The following PARD3 variants were observed in gnomAD, a reference collection of about 807,000 sequenced individuals.
PARD3 encodes the protein par-3 family cell polarity regulator, also known as partitioning defective 3 homolog.
In PARD3, 75 loss-of-function variants were observed where a neutral mutation model predicts 155.4. The ratio of observed to expected loss-of-function variants is 0.48; its 90% CI spans 0.40 to 0.58. The LOEUF (loss-of-function observed/expected upper bound fraction) is 0.58, where lower values mean the gene tolerates loss of function less well. PARD3 is among the 20% of genes least tolerant of loss of function. The pLI is 0.00. For missense variants in PARD3, 1,642 were observed against 1,721.7 expected (o/e 0.95, Z 0.82); for synonymous variants, 576 against 610.5 (o/e 0.94, Z 0.83).
chr10:34,345,035 G>A (rs1159088033), intron 15 of PARD3: 1 of 984,728 alleles, frequency 1.0e-6, no homozygotes, highest in East Asian at 1.1e-4. Context: ...ATAAGATCTG[G>A]AGACTTTCGA....
At chr10:34,454,877 G>A (rs1176498025) in intron 4 of PARD3, among the ~76,000 whole-genome samples, 2 of 152,114 alleles carry the variant, frequency 1.3e-5, no homozygotes, top group Non-Finnish European at 2.9e-5. Flanking sequence ...CGGTATCCTG[G>A]CTATGGAGAA....
At chr10:34,443,822 G>A (rs1589597209) in intron 5 of PARD3, among the ~76,000 whole-genome samples, 1 of 152,110 alleles carries the variant, frequency 6.6e-6, no homozygotes, top group South Asian at 2.1e-4. Context: ...CATCACAGCT[G>A]CAGAAAGTGA....
Position 34,384,133 on chromosome 10 carries a change from C to G in PARD3, c.1012G>C (p.Glu338Gln). The G allele has an allele frequency of 6.2e-7, 1 of 1,613,548 alleles. No individual in the cohort carries two copies. The highest frequency in any genetic ancestry group is 8.5e-7 in the Non-Finnish European group (1 of 1,179,864). ...NDGDLRNRRF[E>Q]QAQHMFRQAM... is the part of the protein sequence containing the mutation. ...GTGCAGCGAGCACACACTTACTGTT[C>G]AAATCTTCTATTTCGAAGGTCGCCA... Residue 338 changes from glutamate (E) to glutamine (Q), a missense_variant, in exon 8 of 25, where the codon GAA becomes CAA. Physicochemically the swap from Glu to Gln is conservative, Grantham distance 29. Transcript: ENST00000374788.
Position 34,116,904 on chromosome 10 carries a change from A to G in PARD3, c.3668+2709T>C, listed in dbSNP as rs58969923. 1.8e-3 allele frequency among the ~76,000 whole-genome samples: 268 copies of G among 152,318 alleles called. 1 individual carries two copies. The highest frequency in any genetic ancestry group is 6.1e-3 in the African/African-American group (255 of 41,572). On this transcript the variant is annotated intron_variant, in intron 24 of 24. Coordinates refer to ENST00000374788, the MANE Select transcript of PARD3 (RefSeq NM_001184785.2). ...AGATATCTCTACCAGGCGCTTCCGC[A>G]GGGAGAGGCGGAGAAGGGAAGAGAT...
chr10:34,522,260 A>G (rs2082193206), intron 2 of PARD3, among the ~76,000 whole-genome samples: 1 of 152,118 alleles, frequency 6.6e-6, no homozygotes. Context: ...AAGACAAACA[A>G]AGGGAGTCAT....
At chr10:34,429,603 T>A (rs1433478336) in intron 5 of PARD3, among the ~76,000 whole-genome samples, 1 of 149,374 alleles carries the variant, frequency 6.7e-6, no homozygotes, top group African/African-American at 2.4e-5. Flanking sequence ...TGTTTTGTTT[T>A]AAAACGGAGT....
chr10:34,582,492 C>T (rs936265274), intron 2 of PARD3, among the ~76,000 whole-genome samples: 2 of 152,210 alleles, frequency 1.3e-5, no homozygotes, highest in African/African-American at 4.8e-5. Flanking sequence ...AGCCACTTGT[C>T]CACAAATCAC....
rs1425451095 is a variant in PARD3 at position 34,678,425 on chromosome 10, T to A, written c.222+17893A>T. On this transcript the variant is annotated intron_variant, in intron 2 of 24. Transcript: ENST00000374788. ...TTTAATTCTGAACAATGTACAGAAC[T>A]GTGAAATTGGAGAAACACTAATTTG... is the stretch of plus-strand genomic sequence containing the variant. Among the ~76,000 whole-genome samples the A allele has an allele frequency of 7.9e-5, 12 of 152,222 alleles. No homozygotes were observed. The East Asian group carries it at 2.3e-3, about 29-fold the overall frequency.
intron 3 of PARD3, among the ~76,000 whole-genome samples, chr10:34,514,181 A>G (rs1323281406): frequency 6.6e-6 from 1 of 152,228 alleles, no homozygotes; most frequent in African/African-American, 2.4e-5. Flanking sequence ...TCTTTATGGA[A>G]TAAAGGGGAT....
intron 22 of PARD3, among the ~76,000 whole-genome samples, chr10:34,138,860 A>G (rs1490597488): frequency 6.6e-6 from 1 of 152,132 alleles, no homozygotes; most frequent in Non-Finnish European, 1.5e-5. Context: ...CAATTACTGC[A>G]GATGAAAAAG....
At chr10:34,547,476 A>T (rs2084177762) in intron 2 of PARD3, among the ~76,000 whole-genome samples, 1 of 152,230 alleles carries the variant, frequency 6.6e-6, no homozygotes. Context: ...AGCACACATA[A>T]AATATGGGCA....
rs2077926126 is a variant in PARD3 at position 34,465,125 on chromosome 10, A to C, written c.582+4960T>G. Among the ~76,000 whole-genome samples, 4 of 152,346 alleles carry C rather than the reference A, an allele frequency of 2.6e-5. No homozygotes were observed. In the South Asian group the frequency reaches 8.3e-4, roughly 32 times the overall value. On this transcript the variant is annotated intron_variant, in intron 4 of 24. Transcript: ENST00000374788. Reference sequence around the variant, plus strand: ...TCTGCATTATATAGGAAATTAGGACAAAGAAAAGTTTCTACGTGTTCAGTA... The same window carrying C: ...TCTGCATTATATAGGAAATTAGGACCAAGAAAAGTTTCTACGTGTTCAGTA...
intron 22 of PARD3, among the ~76,000 whole-genome samples, chr10:34,214,108 C>G (rs1951887007): frequency 6.7e-6 from 1 of 148,418 alleles, no homozygotes; most frequent in Non-Finnish European, 1.5e-5. Flanking sequence ...GCTATGTTGC[C>G]AAGACTGGTC....
chr10:34,372,405 G>T, intron 12 of PARD3, 93 bp downstream of exon 12: 2 of 969,286 alleles, frequency 2.1e-6, no homozygotes, highest in Non-Finnish European at 3.3e-6. Context: ...GCCAGGAAAA[G>T]GCAGGACAAG....
chr10:34,265,524 C>T (rs774273277), intron 22 of PARD3, among the ~76,000 whole-genome samples: 1 of 152,216 alleles, frequency 6.6e-6, no homozygotes, highest in African/African-American at 2.4e-5. Context: ...CCCATGAAAT[C>T]CAAAAATTTG....
chr10:34,207,507 G>A (rs966450092), intron 22 of PARD3, among the ~76,000 whole-genome samples: 1 of 152,154 alleles, frequency 6.6e-6, no homozygotes, highest in Non-Finnish European at 1.5e-5. Context: ...CTGGTCCTCA[G>A]ATGGAGTGTC....
chr10:34,485,315 G>A (rs1196573824), intron 3 of PARD3, among the ~76,000 whole-genome samples: 3 of 150,912 alleles, frequency 2.0e-5, no homozygotes, highest in Non-Finnish European at 4.4e-5. Flanking sequence ...TCCAGCCTGG[G>A]AGACAGAGCA....
chr10:34,664,314 T>A (rs777228300), intron 2 of PARD3, among the ~76,000 whole-genome samples: 2 of 152,114 alleles, frequency 1.3e-5, no homozygotes, highest in Non-Finnish European at 2.9e-5. Flanking sequence ...GCGATTCTCC[T>A]GCCTCAGCCT....
In PARD3 at chr10:34,605,576, CTCCTATATAT is replaced by C. The variant is rs1564405352; in HGVS notation, c.223-88427_223-88418del. Among the ~76,000 whole-genome samples, 2 of 38,994 alleles carry C rather than the reference CTCCTATATAT, an allele frequency of 5.1e-5. 1 individual carries two copies. Among genetic ancestry groups the C allele is most frequent in the African/African-American group, 6.8e-4 (2 of 2,920 alleles). The allele number at this position is 38,994 out of a possible 152,430, so 25.6% of individuals were successfully genotyped here. On this transcript the variant is annotated intron_variant, in intron 2 of 24. Coordinates refer to ENST00000374788, the MANE Select transcript of PARD3 (RefSeq NM_001184785.2). Reference sequence around the variant, plus strand: ...ATATATCTCCTATATATATATATATCTCCTATATATATCTCCTATATATATATATCTCCTA... The same window carrying C: ...ATATATCTCCTATATATATATATATCATCTCCTATATATATATATCTCCTA...
Sources: gnomAD v4.1 joint callset for allele counts (sites outside exome capture counted in the v4.1 genomes callset) on GRCh38, gnomAD v4.1.1 for gene constraint, MANE v1.5 for transcripts, NCBI Gene and HGNC (gene_info 2026-07-23, HGNC 2026-07-21) for gene names.